The following MECOM variants were observed in gnomAD, a reference collection of about 807,000 sequenced individuals.
MECOM encodes MDS1 and EVI1 complex locus.
In MECOM, 13 loss-of-function variants were observed where a neutral mutation model predicts 116.3. That is an observed-to-expected ratio of 0.11 (90% confidence interval 0.07 to 0.18). MECOM has a LOEUF of 0.18. MECOM is among the 10% of genes least tolerant of loss of function. The pLI is 1.00. For missense variants in MECOM, 1,299 were observed against 1,509.0 expected (o/e 0.86, Z 2.31); for synonymous variants, 528 against 535.2 (o/e 0.99, Z 0.19).
intron 2 of MECOM, among the ~76,000 whole-genome samples, chr3:169,328,187 A>C (rs1439468849): frequency 1.3e-5 from 2 of 152,140 alleles, no homozygotes; most frequent in African/African-American, 2.4e-5. Context: ...AAATCTTACC[A>C]ACTATCTCTT....
rs1421616573 is a variant in MECOM, at chr3:169,095,203, C to T, written c.2892G>A (p.Leu964=). 2.0e-5 allele frequency: 33 copies of T among 1,613,076 alleles called. No individual in the cohort carries two copies. Among genetic ancestry groups the T allele is most frequent in the Non-Finnish European group, 2.8e-5 (33 of 1,179,562 alleles). The stretch of plus-strand genomic sequence containing the variant: ...TGTGGATGTTGCGAACATGCCTTTG[C>T]AAGTTAGAAGATATGCTAAATGATC... ...CDRSFSISSN[L]QRHVRNIHNK... is the part of the protein sequence containing the mutation. The change falls in exon 13 of 17, where the codon TTG becomes TTA. Residue 964 remains leucine, a synonymous_variant. Transcript: ENST00000651503.
At chr3:169,628,633 G>A (rs1242330442) in intron 1 of MECOM, among the ~76,000 whole-genome samples, 1 of 152,162 alleles carries the variant, frequency 6.6e-6, no homozygotes, top group Admixed American at 6.5e-5. Flanking sequence ...GCATCTCAGG[G>A]GACGGAACAA....
intron 12 of MECOM, among the ~76,000 whole-genome samples, chr3:169,099,073 C>T (rs991875885): frequency 6.7e-6 from 1 of 148,986 alleles, no homozygotes. Context: ...TTTTGTTTTC[C>T]TCATTTTTTC....
At chr3:169,538,841 C>T (rs1279178702) in intron 1 of MECOM, among the ~76,000 whole-genome samples, 1 of 152,088 alleles carries the variant, frequency 6.6e-6, no homozygotes, top group East Asian at 1.9e-4. Flanking sequence ...CAAAAGAGCC[C>T]TATTCAAATT....
intron 2 of MECOM, among the ~76,000 whole-genome samples, chr3:169,339,530 C>G (rs865842992): frequency 6.6e-6 from 1 of 152,170 alleles, no homozygotes; most frequent in Non-Finnish European, 1.5e-5. Flanking sequence ...AGTGTGATCC[C>G]TGGACCAGCA....
At chr3:169,383,116 T>A (rs1270049281) in intron 1 of MECOM, among the ~76,000 whole-genome samples, 1 of 152,118 alleles carries the variant, frequency 6.6e-6, no homozygotes, top group South Asian at 2.1e-4. Flanking sequence ...TAACAGACTA[T>A]AACACTCATC....
chr3:169,544,672 A>G (rs1189488928), intron 1 of MECOM, among the ~76,000 whole-genome samples: 2 of 152,224 alleles, frequency 1.3e-5, no homozygotes, highest in African/African-American at 4.8e-5. Context: ...CATATACACC[A>G]TGGAATACTA....
At chr3:169,659,995 T>C (rs2110129804) in intron 1 of MECOM, among the ~76,000 whole-genome samples, 1 of 152,312 alleles carries the variant, frequency 6.6e-6, no homozygotes, top group Middle Eastern at 3.4e-3. Context: ...AGGGAGTTAC[T>C]GGATGCAACT....
At chr3:169,374,722 G>T (rs1730723409) in intron 2 of MECOM, among the ~76,000 whole-genome samples, 1 of 151,852 alleles carries the variant, frequency 6.6e-6, no homozygotes, top group African/African-American at 2.4e-5. Context: ...AATTTAGGTA[G>T]TAATATATTG....
At chr3:169,461,415 T>C (rs1747419655) in intron 1 of MECOM, among the ~76,000 whole-genome samples, 1 of 152,202 alleles carries the variant, frequency 6.6e-6, no homozygotes, top group Non-Finnish European at 1.5e-5. Flanking sequence ...TGGCAAAGTT[T>C]TGAAGAACTC....
chr3:169,278,229 T>G (rs928225667), intron 2 of MECOM, among the ~76,000 whole-genome samples: 1 of 152,194 alleles, frequency 6.6e-6, no homozygotes, highest in Non-Finnish European at 1.5e-5. Flanking sequence ...CACATTAGCC[T>G]TAAGCCTCCT....
At chr3:169,099,780 C>T (rs570021038) in intron 12 of MECOM, among the ~76,000 whole-genome samples, 2 of 152,092 alleles carry the variant, frequency 1.3e-5, no homozygotes, top group Admixed American at 6.5e-5. Flanking sequence ...GAAATATTTA[C>T]GAGTAACTAA....
chr3:169,160,648 G>T (rs1742708167), intron 2 of MECOM, among the ~76,000 whole-genome samples: 2 of 149,834 alleles, frequency 1.3e-5, no homozygotes, highest in Admixed American at 6.7e-5. Context: ...ATAATATATT[G>T]TACATTTTGA....
In MECOM at chr3:169,333,171, A is replaced by G. The variant is rs532194560; in HGVS notation, c.375+48016T>C. On this transcript the variant is annotated intron_variant, in intron 2 of 16. Coordinates refer to ENST00000651503, the MANE Select transcript of MECOM (RefSeq NM_004991.4). ...TTTATAATAAAGCACATCTAGCATCAACTATTCATCAGGATTGGCTGAAGC... is the reference window on the plus strand; with the variant it reads ...TTTATAATAAAGCACATCTAGCATCGACTATTCATCAGGATTGGCTGAAGC... 3.9e-5 allele frequency among the ~76,000 whole-genome samples: 6 copies of G among 152,276 alleles called. No homozygotes were observed. In the East Asian group the frequency reaches 1.2e-3, roughly 29 times the overall value.
chr3:169,114,593 A>G (rs1295247795), intron 8 of MECOM, among the ~76,000 whole-genome samples: 3 of 152,220 alleles, frequency 2.0e-5, no homozygotes, highest in Non-Finnish European at 1.5e-5. Context: ...GACAATGTTC[A>G]AGATTAGAAT....
intron 2 of MECOM, among the ~76,000 whole-genome samples, chr3:169,334,076 G>T (rs1018120392): frequency 6.6e-6 from 1 of 151,952 alleles, no homozygotes; most frequent in Non-Finnish European, 1.5e-5. Context: ...TTCTAGAATG[G>T]AATGTGCAAA....
intron 4 of MECOM, among the ~76,000 whole-genome samples, chr3:169,130,698 A>G (rs1734417514): frequency 1.3e-5 from 2 of 152,058 alleles, no homozygotes; most frequent in South Asian, 4.1e-4. Context: ...TTCCCAATAG[A>G]CCTTCCAACT....
chr3:169,252,341 A>G (rs1039684354), intron 2 of MECOM, among the ~76,000 whole-genome samples: 1 of 152,006 alleles, frequency 6.6e-6, no homozygotes, highest in Non-Finnish European at 1.5e-5. Flanking sequence ...AAGCATAATA[A>G]AAGATAAAAA....
chr3:169,323,914 A>G (rs1267320503), intron 2 of MECOM, among the ~76,000 whole-genome samples: 9 of 152,178 alleles, frequency 5.9e-5, no homozygotes, highest in African/African-American at 1.9e-4. Context: ...CATGCAGAGG[A>G]AAAAAGCCTC....
Sources: gnomAD v4.1 joint callset for allele counts (sites outside exome capture counted in the v4.1 genomes callset) on GRCh38, gnomAD v4.1.1 for gene constraint, MANE v1.5 for transcripts, NCBI Gene and HGNC (gene_info 2026-07-23, HGNC 2026-07-21) for gene names.